Variants in IFT43 observed in about 807,000 individuals in gnomAD.
The protein encoded by IFT43 is intraflagellar transport protein 43 homolog.
A neutral mutation model predicts 32.3 loss-of-function variants in IFT43; 33 were observed. The ratio of observed to expected loss-of-function variants is 1.02; its 90% CI spans 0.77 to 1.37. IFT43 has a LOEUF of 1.37. Among genes scored for constraint, IFT43 ranks in the 40% most tolerant of loss-of-function variants. IFT43 has a pLI of 0.00. For missense variants in IFT43, 274 were observed against 265.9 expected (o/e 1.03, Z -0.21); for synonymous variants, 93 against 98.2 (o/e 0.95, Z 0.31).
intron 5 of IFT43, among the ~76,000 whole-genome samples, chr14:76,067,120 T>C (rs2037237192): frequency 6.6e-6 from 1 of 152,204 alleles, no homozygotes; most frequent in African/African-American, 2.4e-5. Context: ...TTGCTCAGCA[T>C]TCAGCCTCCC....
In IFT43 at chr14:75,996,875, G is replaced by A. The variant is rs931805689; in HGVS notation, c.147+7898G>A. ...TTCATTCATTTATGAAACTTGATTG[G>A]GAGCTTTCTGTGTGCCAGGTATTGT... is the stretch of plus-strand genomic sequence containing the variant. On this transcript the variant is annotated intron_variant, in intron 2 of 8. Coordinates refer to ENST00000314067, the MANE Select transcript of IFT43 (RefSeq NM_001102564.3). 2.6e-5 allele frequency among the ~76,000 whole-genome samples: 4 copies of A among 152,164 alleles called. No individual in the cohort carries two copies. The East Asian group carries it at 5.8e-4, about 22-fold the overall frequency.
chr14:76,038,224 G>T (rs894184284), intron 3 of IFT43: 1 of 152,196 alleles, frequency 6.6e-6, no homozygotes, highest in African/African-American at 2.4e-5. Flanking sequence ...AGAAGGGAAG[G>T]TCTTAGGAAG....
rs1244474922 is a variant in IFT43 at position 76,015,388 on chromosome 14, G to A, written c.148-6939G>A. 5.3e-5 allele frequency among the ~76,000 whole-genome samples: 8 copies of A among 152,136 alleles called. No homozygotes were observed. The East Asian group carries it at 1.2e-3, about 22-fold the overall frequency. On this transcript the variant is annotated intron_variant, in intron 2 of 8. Transcript: ENST00000314067. ...GCTTCAGTGCTCTCTCCTGAGGTTCGCCAGTGGGAAGCAAGCTAACTACCA... is the reference window on the plus strand; with the variant it reads ...GCTTCAGTGCTCTCTCCTGAGGTTCACCAGTGGGAAGCAAGCTAACTACCA...
intron 3 of IFT43, among the ~76,000 whole-genome samples, chr14:76,035,683 GT>G (rs1301107599): frequency 6.6e-6 from 1 of 152,220 alleles, no homozygotes; most frequent in Admixed American, 6.5e-5. Flanking sequence ...AACCGGCTCT[GT>G]TATAGGCTGT....
chr14:76,059,558 C>T (rs1352058487), intron 5 of IFT43, 185 bp downstream of exon 5: 1 of 635,728 alleles, frequency 1.6e-6, no homozygotes, highest in East Asian at 2.9e-5. Context: ...GTATCTCTCC[C>T]TTCTTTATCT....
chr14:76,010,787 A>C (rs2036068808), intron 2 of IFT43, among the ~76,000 whole-genome samples: 1 of 152,158 alleles, frequency 6.6e-6, no homozygotes, highest in Non-Finnish European at 1.5e-5. Flanking sequence ...TGTTGTCTTC[A>C]AAGTATTTTT....
At chr14:76,033,749 T>C (rs1272493840) in intron 3 of IFT43, among the ~76,000 whole-genome samples, 1 of 152,174 alleles carries the variant, frequency 6.6e-6, no homozygotes. Context: ...AAGATATACT[T>C]CCTGTCCCGC....
intron 2 of IFT43, among the ~76,000 whole-genome samples, chr14:76,006,075 G>A (rs946450441): frequency 1.3e-5 from 2 of 152,070 alleles, no homozygotes; most frequent in Non-Finnish European, 1.5e-5. Flanking sequence ...TGATATATTA[G>A]CTATCGAGAC....
chr14:75,999,963 A>T (rs2035851246), intron 2 of IFT43, among the ~76,000 whole-genome samples: 1 of 152,218 alleles, frequency 6.6e-6, no homozygotes, highest in South Asian at 2.1e-4. Flanking sequence ...ACACTGGAGG[A>T]TAGAGTGGGA....
rs542887689 is a variant in IFT43 at position 76,068,596 on chromosome 14, C to T, written c.295+9223C>T. On this transcript the variant is annotated intron_variant, in intron 5 of 8. Transcript: ENST00000314067. ...CTCAAACTGTAGGATGGCAAAACTG[C>T]TCTGTCTTACTGAGATGACCATCCT... 5.3e-5 allele frequency among the ~76,000 whole-genome samples: 8 copies of T among 152,302 alleles called. No individual in the cohort carries two copies. The South Asian group carries it at 1.2e-3, about 24-fold the overall frequency.
chr14:76,043,279 A>AG (rs1360491103), intron 3 of IFT43, among the ~76,000 whole-genome samples: 1 of 152,224 alleles, frequency 6.6e-6, no homozygotes, highest in East Asian at 1.9e-4. Flanking sequence ...AGGTGAGTAG[A>AG]GGCATGAATG....
chr14:75,988,897 G>A lies in IFT43; in HGVS notation c.67G>A (p.Gly23Ser). Residue 23 changes from glycine to serine, a missense_variant, in exon 2 of 9, where the codon GGT becomes AGT. Gly to Ser is a moderately conservative substitution (Grantham distance 56). Coordinates refer to ENST00000314067, the MANE Select transcript of IFT43 (RefSeq NM_001102564.3). The stretch of plus-strand genomic sequence containing the variant: ...TTTCTCCTTACAGAGGGCCAAGATG[G>A]GTCGCCGAGCTCAACAGGAGTCAGC... ...YSLATSRAKM[G>S]RRAQQESAQA... The A allele has an allele frequency of 1.2e-6, 2 of 1,613,932 alleles. No individual in the cohort carries two copies.
intron 3 of IFT43, among the ~76,000 whole-genome samples, chr14:76,047,531 T>G (rs2036830885): frequency 6.6e-6 from 1 of 152,152 alleles, no homozygotes; most frequent in African/African-American, 2.4e-5. Context: ...AACATTTCTG[T>G]GGAAAGTTGT....
At chr14:76,003,436 G>A (rs2035926396) in intron 2 of IFT43, among the ~76,000 whole-genome samples, 1 of 152,038 alleles carries the variant, frequency 6.6e-6, no homozygotes, top group Non-Finnish European at 1.5e-5. Context: ...GACCAGCCTG[G>A]CCAACATAGT....
At chr14:76,073,869 C>T (rs527820473) in intron 5 of IFT43, among the ~76,000 whole-genome samples, 6 of 152,228 alleles carry the variant, frequency 3.9e-5, no homozygotes, top group South Asian at 4.1e-4. Flanking sequence ...CCCCTCCCCC[C>T]GTTTCTCATC....
chr14:76,045,236 C>T (rs1038865907), intron 3 of IFT43, among the ~76,000 whole-genome samples: 1 of 152,192 alleles, frequency 6.6e-6, no homozygotes, highest in African/African-American at 2.4e-5. Flanking sequence ...GTCTGCTCAT[C>T]TTTTTCCCCT....
At chr14:75,990,518 C>A (rs1275999327) in intron 2 of IFT43, among the ~76,000 whole-genome samples, 1 of 152,182 alleles carries the variant, frequency 6.6e-6, no homozygotes, top group Non-Finnish European at 1.5e-5. Context: ...CAGTGCCTGG[C>A]AGAATAGGCC....
intron 5 of IFT43, among the ~76,000 whole-genome samples, chr14:76,060,829 T>C (rs201867554): frequency 0.31 from 39,751 of 128,528 alleles, 6,264 homozygotes; most frequent in Non-Finnish European, 0.32. Flanking sequence ...TCCCTCCCTT[T>C]CTTCCTTCCT....
rs542984734 is a variant in IFT43 at position 76,061,628 on chromosome 14, A to G, written c.295+2255A>G. Among the ~76,000 whole-genome samples, 3 of 152,112 alleles carry G rather than the reference A, an allele frequency of 2.0e-5. No individual in the cohort carries two copies. In the South Asian group the frequency reaches 6.2e-4, roughly 32 times the overall value. ...CCCATCTAGTGGATTATTATTTCAC[A>G]TATTTTTTTCAGTTCTAGAAGCTCC... On this transcript the variant is annotated intron_variant, in intron 5 of 8. Transcript: ENST00000314067.
Sources: gnomAD v4.1 joint callset for allele counts (sites outside exome capture counted in the v4.1 genomes callset) on GRCh38, gnomAD v4.1.1 for gene constraint, MANE v1.5 for transcripts, NCBI Gene and HGNC (gene_info 2026-07-23, HGNC 2026-07-21) for gene names.